SULT6B1: variants seen among roughly 807,000 people sequenced by gnomAD.
SULT6B1 encodes the protein sulfotransferase 6B1.
A neutral mutation model predicts 37.2 loss-of-function variants in SULT6B1; 44 were observed. The ratio of observed to expected loss-of-function variants is 1.18; its 90% CI spans 0.93 to 1.52. The LOEUF is 1.52. Among genes scored for constraint, SULT6B1 ranks in the 40% most tolerant of loss-of-function variants. SULT6B1 has a pLI of 0.00. For missense variants in SULT6B1, 450 were observed against 361.0 expected (o/e 1.25, Z -2.00); for synonymous variants, 140 against 126.0 (o/e 1.11, Z -0.74).
intron 2 of SULT6B1, among the ~76,000 whole-genome samples, chr2:37,186,596 C>G (rs1158218829): frequency 6.6e-6 from 1 of 152,042 alleles, no homozygotes; most frequent in Non-Finnish European, 1.5e-5. Flanking sequence ...ATAGGGAAAT[C>G]AAAAATCATG....
At position 37,179,544 on chromosome 2, in the gene SULT6B1, G is replaced by C; in HGVS notation, c.443C>G (p.Ser148Cys). ...GACATCGTTGTGGAAATGCAAAAAA[G>C]ATACTGCTGTATCTTTAGGGTTTCG... ...IFRNPKDTAV[S>C]FLHFHNDVPD... Residue 148 changes from serine to cysteine, a missense_variant, in exon 4 of 7, where the codon TCT becomes TGT. Transcript: ENST00000535679. 1 of 1,613,852 alleles carries C rather than the reference G, an allele frequency of 6.2e-7. No homozygotes were observed. Among genetic ancestry groups the C allele is most frequent in the South Asian group, 1.1e-5 (1 of 91,036 alleles).
At chr2:37,190,091 C>G (rs1208136613), upstream of SULT6B1, 1 of 152,194 alleles carries the variant, frequency 6.6e-6, no homozygotes, top group Non-Finnish European at 1.5e-5. Flanking sequence ...GTTTGAGCCA[C>G]TGAATTATTG....
chr2:37,190,158 C>A (rs1676753199), upstream of SULT6B1, among the ~76,000 whole-genome samples: 1 of 152,216 alleles, frequency 6.6e-6, no homozygotes, highest in Admixed American at 6.5e-5. Flanking sequence ...TAGCCTATAT[C>A]CTATCTGGTA....
chr2:37,177,411 CAAAAAAA>C (rs57205863), intron 4 of SULT6B1, among the ~76,000 whole-genome samples: 2,969 of 76,468 alleles, frequency 0.039, 56 homozygotes, highest in Middle Eastern at 0.11. Context: ...AATCTTGTCT[CAAAAAAA>C]AAAAAAAAAA....
At chr2:37,171,083 A>G (rs1676286530) in intron 6 of SULT6B1, among the ~76,000 whole-genome samples, 1 of 152,084 alleles carries the variant, frequency 6.6e-6, no homozygotes, top group African/African-American at 2.4e-5. Context: ...CTAAAAATAC[A>G]AAAAAATTAA....
rs548028095 is a variant in SULT6B1 at position 37,181,554 on chromosome 2, A to G, written c.402+1871T>C. ...ACCACCATGCCCGGCTAATTTTTGT[A>G]TTTTTTGTAGAGACAGGGGTCTCAC... On this transcript the variant is annotated intron_variant, in intron 3 of 6. Transcript: ENST00000535679. Among the ~76,000 whole-genome samples the G allele has an allele frequency of 7.9e-5, 12 of 151,824 alleles. No homozygotes were observed. In the East Asian group the frequency reaches 2.1e-3, roughly 27 times the overall value.
At chr2:37,191,914 C>T (rs1033009303), upstream of SULT6B1, among the ~76,000 whole-genome samples, 1 of 152,188 alleles carries the variant, frequency 6.6e-6, no homozygotes, top group African/African-American at 2.4e-5. Context: ...TTGCTGGCAT[C>T]CCTGTTTGGG....
chr2:37,190,575 C>T (rs1385453369), upstream of SULT6B1, among the ~76,000 whole-genome samples: 1 of 152,174 alleles, frequency 6.6e-6, no homozygotes, highest in Admixed American at 6.6e-5. Flanking sequence ...GCCACAGGGG[C>T]TAAGTGGCTT....
At chr2:37,180,715 T>C (rs6704905) in intron 3 of SULT6B1, among the ~76,000 whole-genome samples, 49,220 of 151,852 alleles carry the variant, frequency 0.32, 9,036 homozygotes, top group East Asian at 0.82. Flanking sequence ...GAAACCCTGG[T>C]GCTACTAAAA....
chr2:37,171,171 C>T (rs1035240369), intron 6 of SULT6B1, among the ~76,000 whole-genome samples: 2 of 152,014 alleles, frequency 1.3e-5, no homozygotes, highest in South Asian at 2.1e-4. Flanking sequence ...ACCCAGGAGG[C>T]GGAGGTTGCA....
chr2:37,194,915 TC>T (rs1676874123), intron 1 of SULT6B1, among the ~76,000 whole-genome samples: 2 of 30,530 alleles, frequency 6.6e-5, no homozygotes, highest in African/African-American at 3.5e-4. Context: ...CTTCCTTCCT[TC>T]CTTCCTTCCT....
intron 2 of SULT6B1, among the ~76,000 whole-genome samples, chr2:37,184,539 T>C (rs1240658138): frequency 2.6e-5 from 4 of 152,236 alleles, no homozygotes; most frequent in African/African-American, 9.6e-5. Flanking sequence ...AGCGGTCACT[T>C]ACTGCTTGGT....
upstream of SULT6B1, among the ~76,000 whole-genome samples, chr2:37,193,647 A>AGAAGAAGAAGAAGAAGAAGAAGAAGAG (rs1399734000): frequency 6.9e-6 from 1 of 144,920 alleles, no homozygotes; most frequent in Admixed American, 6.9e-5. Context: ...AAGAAGAAGA[A>AGAAGAAGAAGAAGAAGAAGAAGAAGAG]GAAGGAGAAG....
chr2:37,176,260 C>CTTTTTTTTTTTT (rs34578951), intron 4 of SULT6B1, among the ~76,000 whole-genome samples: 1 of 112,590 alleles, frequency 8.9e-6, no homozygotes, highest in Admixed American at 1.1e-4. Context: ...CACGCAATAG[C>CTTTTTTTTTTTT]TTTTTTTTTT....
chr2:37,193,573 A>G (rs78027588), upstream of SULT6B1, among the ~76,000 whole-genome samples: 8 of 129,780 alleles, frequency 6.2e-5, no homozygotes, highest in East Asian at 1.2e-3. Context: ...ACCAAAAAAA[A>G]AAGAAGAAAA....
At chr2:37,180,133 C>T (rs1396902193) in intron 3 of SULT6B1, among the ~76,000 whole-genome samples, 2 of 152,090 alleles carry the variant, frequency 1.3e-5, no homozygotes, top group Non-Finnish European at 2.9e-5. Flanking sequence ...AAACTGAAAC[C>T]CCAGAGAACC....
chr2:37,184,842 A>C (rs922686876), intron 2 of SULT6B1, among the ~76,000 whole-genome samples: 5 of 145,170 alleles, frequency 3.4e-5, no homozygotes, highest in African/African-American at 1.2e-4. Context: ...AAAAAAAAAA[A>C]ACAACAAAAC....
rs1449670327 is a variant in SULT6B1, at chr2:37,168,191, CTTTA to C, written c.782-130_782-127del. The C allele has an allele frequency of 8.3e-6, 8 of 961,742 alleles. No homozygotes were observed. The African/African-American group carries it at 1.2e-4, about 15-fold the overall frequency. 59.6% of individuals were successfully genotyped at this position (961,742 alleles called of 1,614,324 possible). A position where few individuals can be genotyped will look rare whatever the true frequency, so the allele number is the denominator to read the frequency against. On this transcript the variant is annotated intron_variant, in intron 6 of 6. Coordinates refer to ENST00000535679, the MANE Select transcript of SULT6B1 (RefSeq NM_001367551.1). ...GACACATGGAAAAAAGCTTTACACT[CTTTA>C]TTTAGTTTTTTTCAGACGGTGTCTC...
intron 4 of SULT6B1, among the ~76,000 whole-genome samples, chr2:37,177,454 A>AATAATAC (rs1676456835): frequency 1.7e-5 from 2 of 120,022 alleles, no homozygotes; most frequent in South Asian, 6.4e-4. Flanking sequence ...AAAAAAAGAG[A>AATAATAC]AGAATACAGC....
Sources: allele counts gnomAD v4.1 joint callset (sites outside exome capture counted in the v4.1 genomes callset), GRCh38; gene constraint gnomAD v4.1.1; transcripts MANE v1.5; gene names NCBI Gene and HGNC (gene_info 2026-07-23, HGNC 2026-07-21).